ANKRD55: variants seen among roughly 807,000 people sequenced by gnomAD.
ANKRD55 encodes ankyrin repeat domain 55.
In ANKRD55, 41 loss-of-function variants were observed where a neutral mutation model predicts 60.6. The observed-to-expected ratio is 0.68, with a 90% CI of 0.53 to 0.88. The LOEUF (loss-of-function observed/expected upper bound fraction) is 0.88. Among genes scored for constraint, ANKRD55 ranks in the 40% least tolerant of loss-of-function variants. The pLI, the probability that ANKRD55 is intolerant of heterozygous loss-of-function variation, is 0.00. For missense variants in ANKRD55, 732 were observed against 767.6 expected (o/e 0.95, Z 0.55); for synonymous variants, 264 against 290.3 (o/e 0.91, Z 0.92).
At chr5:56,166,158 T>TTCCTTTCTTTCTTTCTTCC (rs58740295) in intron 5 of ANKRD55, among the ~76,000 whole-genome samples, 1 of 72,436 alleles carries the variant, frequency 1.4e-5, no homozygotes, top group Non-Finnish European at 2.6e-5. Flanking sequence ...TTCTTTCTTC[T>TTCCTTTCTTTCTTTCTTCC]TTCCTTCCTT....
intron 8 of ANKRD55, among the ~76,000 whole-genome samples, chr5:56,123,793 T>A (rs1757150988): frequency 6.6e-6 from 1 of 152,014 alleles, no homozygotes; most frequent in African/African-American, 2.4e-5. Flanking sequence ...ATATAGATAA[T>A]CTCTAATATA....
At chr5:56,168,384 G>A (rs1420248125) in intron 5 of ANKRD55, among the ~76,000 whole-genome samples, 3 of 152,254 alleles carry the variant, frequency 2.0e-5, no homozygotes, top group Middle Eastern at 6.8e-3. Context: ...ACTACACTCC[G>A]CTCTCATTAG....
At chr5:56,102,319 G>T (rs1756306228) in intron 11 of ANKRD55, among the ~76,000 whole-genome samples, 175 bp downstream of exon 11, 1 of 152,108 alleles carries the variant, frequency 6.6e-6, no homozygotes, top group Non-Finnish European at 1.5e-5. Flanking sequence ...GAACCTGGGA[G>T]GTGGAGGTTG....
intron 4 of ANKRD55, among the ~76,000 whole-genome samples, chr5:56,174,659 C>G (rs577156908): frequency 6.6e-6 from 1 of 152,104 alleles, no homozygotes; most frequent in Non-Finnish European, 1.5e-5. Context: ...TGGTGAAACC[C>G]TGTCTCTACT....
In ANKRD55 at chr5:56,193,869, C is replaced by T. The variant is rs116675255; in HGVS notation, c.59-10235G>A. Reference sequence around the variant, plus strand: ...AATATATCTATATATATAAGAAGAACTTGTGTTTTTAAAATGGTGGCCAAG... The same window carrying T: ...AATATATCTATATATATAAGAAGAATTTGTGTTTTTAAAATGGTGGCCAAG... On this transcript the variant is annotated intron_variant, in intron 2 of 11. Coordinates refer to ENST00000341048, the MANE Select transcript of ANKRD55 (RefSeq NM_024669.3). Among the ~76,000 whole-genome samples the T allele has an allele frequency of 5.6e-3, 853 of 152,210 alleles. 14 individuals are homozygous for T. The highest frequency in any genetic ancestry group is 0.019 in the African/African-American group (804 of 41,546).
rs1003470046 is a variant in ANKRD55 at position 56,122,875 on chromosome 5, C to T, written c.797+4047G>A. Among the ~76,000 whole-genome samples, 424 of 151,620 alleles carry T rather than the reference C, an allele frequency of 2.8e-3. 4 individuals are homozygous for T. Among genetic ancestry groups the T allele is most frequent in the African/African-American group, 9.8e-3 (406 of 41,278 alleles). The stretch of plus-strand genomic sequence containing the variant: ...TCACCTCCTGGGCTCAAGCAATCCT[C>T]ACATGTCAGCCCCCTGAGTAGCTGG... On this transcript the variant is annotated intron_variant, in intron 8 of 11. Transcript: ENST00000341048.
chr5:56,159,448 C>G (rs538442899), intron 6 of ANKRD55, among the ~76,000 whole-genome samples: 1 of 150,590 alleles, frequency 6.6e-6, no homozygotes, highest in Non-Finnish European at 1.5e-5. Flanking sequence ...GCAACAAGAG[C>G]GAAACTCCAT....
intron 10 of ANKRD55, among the ~76,000 whole-genome samples, chr5:56,109,793 G>A (rs1475407669): frequency 2.0e-5 from 3 of 152,292 alleles, no homozygotes; most frequent in South Asian, 2.1e-4. Context: ...AGGCTGGGAC[G>A]GGTGGATCAC....
chr5:56,189,492 T>A (rs1449062094), intron 2 of ANKRD55, among the ~76,000 whole-genome samples: 1 of 152,080 alleles, frequency 6.6e-6, no homozygotes, highest in Middle Eastern at 3.2e-3. Flanking sequence ...TTCTTTCCCA[T>A]CCCCAGTCCC....
At chr5:56,173,858 A>G (rs1427272108) in intron 4 of ANKRD55, among the ~76,000 whole-genome samples, 1 of 151,938 alleles carries the variant, frequency 6.6e-6, no homozygotes, top group Admixed American at 6.6e-5. Context: ...AACTCTACAT[A>G]TTTTATTTGA....
In ANKRD55 at chr5:56,111,283, A is replaced by C; in HGVS notation, c.1465T>G (p.Leu489Val). The C allele has an allele frequency of 6.2e-7, 1 of 1,614,186 alleles. No homozygotes were observed. The highest frequency in any genetic ancestry group is 1.3e-5 in the African/African-American group (1 of 75,040). The change falls in exon 10 of 12, where the codon TTA becomes GTA. Residue 489 changes from leucine to valine, a missense_variant. Transcript: ENST00000341048. Reference protein sequence around the residue: ...LLNNRTGCQMLLDNPWKSDSN... With the variant: ...LLNNRTGCQMVLDNPWKSDSN... ...TCACTCTTCCAGGGGTTATCTAGTA[A>C]CATCTGGCAGCCAGTTCTGTTATTT...
At position 56,162,098 on chromosome 5, in the gene ANKRD55, A is replaced by G. The variant is rs189139661; in HGVS notation, c.423-2205T>C. 3.7e-5 allele frequency: 35 copies of G among 944,396 alleles called. No homozygotes were observed. The African/African-American group carries it at 4.6e-4, about 12-fold the overall frequency. 58.5% of individuals were successfully genotyped at this position (944,396 alleles called of 1,614,324 possible). A position where few individuals can be genotyped will look rare whatever the true frequency, so the allele number is the denominator to read the frequency against. On this transcript the variant is annotated intron_variant, in intron 5 of 11. Coordinates refer to ENST00000341048, the MANE Select transcript of ANKRD55 (RefSeq NM_024669.3). ...AGGGACTGGGGGAGGAGGGAAGGGCAAGGCAGGAGGTCAGCTGTGGTCCAG... is the reference window on the plus strand; with the variant it reads ...AGGGACTGGGGGAGGAGGGAAGGGCGAGGCAGGAGGTCAGCTGTGGTCCAG...
At chr5:56,123,840 C>G (rs1757152947) in intron 8 of ANKRD55, among the ~76,000 whole-genome samples, 1 of 152,134 alleles carries the variant, frequency 6.6e-6, no homozygotes, top group African/African-American at 2.4e-5. Flanking sequence ...TACCTAATTT[C>G]AAGTTGTCTA....
At chr5:56,105,034 GT>G (rs1756412693) in intron 10 of ANKRD55, among the ~76,000 whole-genome samples, 1 of 151,498 alleles carries the variant, frequency 6.6e-6, no homozygotes, top group African/African-American at 2.4e-5. Flanking sequence ...CTCCTGCAAT[GT>G]TGTGGAAAGT....
intron 2 of ANKRD55, among the ~76,000 whole-genome samples, chr5:56,203,249 C>T (rs186348130): frequency 4.1e-4 from 63 of 152,236 alleles, no homozygotes; most frequent in African/African-American, 1.4e-3. Context: ...GGAGGGACCT[C>T]GTGGGAGGTG....
At chr5:56,106,550 A>G (rs1756484789) in intron 10 of ANKRD55, among the ~76,000 whole-genome samples, 1 of 150,764 alleles carries the variant, frequency 6.6e-6, no homozygotes, top group Non-Finnish European at 1.5e-5. Flanking sequence ...CAGCCTCCAC[A>G]GTAGCTGGGA....
At position 56,185,268 on chromosome 5, in the gene ANKRD55, C is replaced by T. The variant is rs546222198; in HGVS notation, c.59-1634G>A. Among the ~76,000 whole-genome samples, 8 of 152,014 alleles carry T rather than the reference C, an allele frequency of 5.3e-5. 1 individual carries two copies. The highest frequency in any genetic ancestry group is 1.4e-4 in the African/African-American group (6 of 41,468). ...AAAGAACTGTGGGTCAAGTGGAGAA[C>T]GGGGAGGACTGGGAGGTGAGTTCTG... is the stretch of plus-strand genomic sequence containing the variant. On this transcript the variant is annotated intron_variant, in intron 2 of 11. Coordinates refer to ENST00000341048, the MANE Select transcript of ANKRD55 (RefSeq NM_024669.3).
Position 56,100,136 on chromosome 5 carries a change from G to A in ANKRD55, c.*47C>T, listed in dbSNP as rs778257132. The A allele has an allele frequency of 2.5e-6, 4 of 1,612,834 alleles. No individual in the cohort carries two copies. The East Asian group carries it at 6.7e-5, about 27-fold the overall frequency. ...ACTGGAGTAATCTTGTCCTTTGAGA[G>A]TTGAAAATACATATTCATCTACATT... On this transcript the variant is annotated 3_prime_UTR_variant, in exon 12 of 12. Coordinates refer to ENST00000341048, the MANE Select transcript of ANKRD55 (RefSeq NM_024669.3).
At chr5:56,220,697 C>A (rs2399695) in intron 2 of ANKRD55, among the ~76,000 whole-genome samples, 20,186 of 152,012 alleles carry the variant, frequency 0.13, 2,548 homozygotes, top group African/African-American at 0.33. Flanking sequence ...TCTGTAATCC[C>A]AGCTACTTAG....
Sources: gnomAD v4.1 joint callset for allele counts (sites outside exome capture counted in the v4.1 genomes callset) on GRCh38, gnomAD v4.1.1 for gene constraint, MANE v1.5 for transcripts, NCBI Gene and HGNC (gene_info 2026-07-23, HGNC 2026-07-21) for gene names.